The following PCDHGA12 variants were observed in gnomAD, a reference collection of about 807,000 sequenced individuals.
PCDHGA12 encodes protocadherin gamma subfamily A, 12.
In PCDHGA12, 43 loss-of-function variants were observed where a neutral mutation model predicts 61.1. The observed-to-expected ratio is 0.70, with a 90% confidence interval of 0.55 to 0.91. The LOEUF (loss-of-function observed/expected upper bound fraction) is 0.91. Among genes scored for constraint, PCDHGA12 ranks in the 40% least tolerant of loss-of-function variants. The pLI, the probability that PCDHGA12 is intolerant of heterozygous loss-of-function variation, is 0.00. For synonymous variants in PCDHGA12, 520 were observed against 542.9 expected (o/e 0.96, Z 0.59); for missense variants, 1,236 against 1,227.7 (o/e 1.01, Z -0.10).
In PCDHGA12 at chr5:141,487,120, T is replaced by C. The variant is rs1342042604; in HGVS notation, c.2425-7687T>C. 1.9e-6 allele frequency: 3 copies of C among 1,613,948 alleles called. No homozygotes were observed. Among genetic ancestry groups the C allele is most frequent in the Admixed American group, 1.7e-5 (1 of 60,028 alleles). ...AGAAGCTGGTCATTGTGGTAAAGGA[T>C]AGTGGTAGTCCACCACTCTCTACCT... On this transcript the variant is annotated intron_variant, in intron 1 of 3. Coordinates refer to ENST00000252085, the MANE Select transcript of PCDHGA12 (RefSeq NM_003735.3). The surrounding 1 kb of genome is among the most constrained non-coding windows in gnomAD (Gnocchi z 5.0).
At chr5:141,482,852 A>G (rs1237049208) in intron 1 of PCDHGA12, among the ~76,000 whole-genome samples, 1 of 144,420 alleles carries the variant, frequency 6.9e-6, no homozygotes, top group Non-Finnish European at 1.5e-5. Flanking sequence ...TGGGCAGATC[A>G]CTTGAGGTCA....
chr5:141,460,987 A>G (rs201722325), intron 1 of PCDHGA12, among the ~76,000 whole-genome samples: 34 of 92,988 alleles, frequency 3.7e-4, no homozygotes, highest in Middle Eastern at 5.0e-3. Flanking sequence ...GTGTGTGTAT[A>G]TATATATATG....
chr5:141,487,803 A>G lies in PCDHGA12; in HGVS notation c.2425-7004A>G. On this transcript the variant is annotated intron_variant, in intron 1 of 3. Transcript: ENST00000252085. The surrounding 1 kb of genome is among the most constrained non-coding windows in gnomAD (Gnocchi z 5.0). ...TTCGTGAATTAACCAGAGTTGTCAC[A>G]GTTTAGCATTGGGGGCGGGTCATGC... 2.0e-6 allele frequency: 3 copies of G among 1,466,166 alleles called. No individual in the cohort carries two copies. The highest frequency in any genetic ancestry group is 2.8e-6 in the Non-Finnish European group (3 of 1,084,448). The allele number at this position is 1,466,166 out of a possible 1,614,324, so 90.8% of individuals were successfully genotyped here. A position where few individuals can be genotyped will look rare whatever the true frequency, so the allele number is the denominator to read the frequency against.
In PCDHGA12 at chr5:141,430,637, G is replaced by A. The variant is rs2097298854; in HGVS notation, c.-123G>A. Reference sequence around the variant, plus strand: ...GATAGCTAGGAATGAACCATCCCTGGGAGTATGTGGAAACAACGGAGGAGC... The same window carrying A: ...GATAGCTAGGAATGAACCATCCCTGAGAGTATGTGGAAACAACGGAGGAGC... On this transcript the variant is annotated 5_prime_UTR_variant, in exon 1 of 4. It introduces an in-frame stop codon into an upstream open reading frame of the 5' UTR. Coordinates refer to ENST00000252085, the MANE Select transcript of PCDHGA12 (RefSeq NM_003735.3). 1.1e-6 allele frequency: 1 copy of A among 890,676 alleles called. No homozygotes were observed. The highest frequency in any genetic ancestry group is 2.8e-5 in the Admixed American group (1 of 36,020). 55.2% of individuals were successfully genotyped at this position (890,676 alleles called of 1,614,324 possible).
chr5:141,468,809 T>A (rs1473677700), intron 1 of PCDHGA12, among the ~76,000 whole-genome samples: 1 of 151,850 alleles, frequency 6.6e-6, no homozygotes, highest in Admixed American at 6.6e-5. Flanking sequence ...GAACTTGCAG[T>A]GAGCCAAGAT....
chr5:141,442,119 C>T (rs563017984), intron 1 of PCDHGA12: 1 of 166,262 alleles, frequency 6.0e-6, no homozygotes, highest in African/African-American at 2.4e-5. Context: ...CCCCTCGTCG[C>T]CGACAGCCTG....
In PCDHGA12 at chr5:141,430,991, A is replaced by G. The variant is rs2097333608; in HGVS notation, c.232A>G (p.Asn78Asp). 2.5e-6 allele frequency: 4 copies of G among 1,613,862 alleles called. No individual in the cohort carries two copies. In the East Asian group the frequency reaches 8.9e-5, roughly 36 times the overall value. ...PRGRTQLFAL[N>D]PRSGSLVTAG... ...AGGTAGGACGCAGCTTTTCGCCCTGAATCCGCGCAGCGGCAGCTTGGTCAC... is the reference window on the plus strand; with the variant it reads ...AGGTAGGACGCAGCTTTTCGCCCTGGATCCGCGCAGCGGCAGCTTGGTCAC... Residue 78 changes from asparagine (N) to aspartate (D), a missense_variant, in exon 1 of 4, where the codon AAT becomes GAT. By Grantham distance (23) the Asn-to-Asp change is conservative. Coordinates refer to ENST00000252085, the MANE Select transcript of PCDHGA12 (RefSeq NM_003735.3).
chr5:141,477,737 G>T lies in PCDHGA12; in HGVS notation c.2425-17070G>T, dbSNP rs1178108717. 1.2e-6 allele frequency: 2 copies of T among 1,613,846 alleles called. No homozygotes were observed. Among genetic ancestry groups the T allele is most frequent in the South Asian group, 1.1e-5 (1 of 91,088 alleles). ...ATTTGAATTAACAGCTCATATCAGC[G>T]ATGGGGGCACCCCGGTCCTAGCCAC... On this transcript the variant is annotated intron_variant, in intron 1 of 3. Coordinates refer to ENST00000252085, the MANE Select transcript of PCDHGA12 (RefSeq NM_003735.3). This position sits in a 1 kb window ranked among gnomAD's most constrained non-coding sequence, Gnocchi z 4.9.
At chr5:141,501,987 G>A (rs1462571527) in intron 2 of PCDHGA12, among the ~76,000 whole-genome samples, 2 of 152,016 alleles carry the variant, frequency 1.3e-5, no homozygotes, top group Non-Finnish European at 2.9e-5. Flanking sequence ...TGGTCCCGTT[G>A]TCTCCCTGAC....
In PCDHGA12 at chr5:141,494,849, A is replaced by C; in HGVS notation, c.2467A>C (p.Arg823=). ...NTDWRFSQAQ[R]PGTSGSQNGD... ...GGACTGGCGTTTCTCTCAGGCCCAG[A>C]GACCCGGCACCAGCGGGTAGGTGAC... Residue 823 remains arginine, a synonymous_variant, in exon 2 of 4, where the codon AGA becomes CGA. Transcript: ENST00000252085. 1 of 1,614,102 alleles carries C rather than the reference A, an allele frequency of 6.2e-7. No individual in the cohort carries two copies. Among genetic ancestry groups the C allele is most frequent in the Non-Finnish European group, 8.5e-7 (1 of 1,180,014 alleles).
chr5:141,474,710 A>T (rs535069070), intron 1 of PCDHGA12, among the ~76,000 whole-genome samples: 31 of 152,330 alleles, frequency 2.0e-4, no homozygotes, highest in African/African-American at 6.3e-4. Context: ...GTTCTATTAT[A>T]CTTCAAAAGG....
At position 141,489,559 on chromosome 5, in the gene PCDHGA12, C is replaced by A; in HGVS notation, c.2425-5248C>A. ...CAGCACCAGCTGCCTGCTGCCAGTG[C>A]AGGTGGTGACTGAACACCCCCTGGA... On this transcript the variant is annotated intron_variant, in intron 1 of 3. Coordinates refer to ENST00000252085, the MANE Select transcript of PCDHGA12 (RefSeq NM_003735.3). This position sits in a 1 kb window ranked among gnomAD's most constrained non-coding sequence, Gnocchi z 4.5. The A allele has an allele frequency of 6.2e-7, 1 of 1,614,078 alleles. No homozygotes were observed. The highest frequency in any genetic ancestry group is 8.5e-7 in the Non-Finnish European group (1 of 1,180,014).
intron 2 of PCDHGA12, among the ~76,000 whole-genome samples, chr5:141,501,159 C>G (rs1475164887): frequency 6.6e-6 from 1 of 152,096 alleles, no homozygotes; most frequent in East Asian, 1.9e-4. Context: ...GAGCCACCAT[C>G]CCCAGCCTCA....
rs188066304 is a variant in PCDHGA12, at chr5:141,450,907, C to T, written c.2424+17724C>T. On this transcript the variant is annotated intron_variant, in intron 1 of 3. Coordinates refer to ENST00000252085, the MANE Select transcript of PCDHGA12 (RefSeq NM_003735.3). ...TGGTGCGATATCGGCTCACTGCAAC[C>T]GCTGCCTCCCAGATTCAAGCAATTC... is the stretch of plus-strand genomic sequence containing the variant. 6.7e-3 allele frequency among the ~76,000 whole-genome samples: 1,004 copies of T among 150,024 alleles called. 12 individuals carry two copies. The highest frequency in any genetic ancestry group is 0.024 in the African/African-American group (970 of 40,702).
chr5:141,473,988 G>A (rs1006988447), intron 1 of PCDHGA12, among the ~76,000 whole-genome samples: 1 of 152,118 alleles, frequency 6.6e-6, no homozygotes, highest in African/African-American at 2.4e-5. Flanking sequence ...AGGATCCCTT[G>A]AGCCCAAGGA....
In PCDHGA12 at chr5:141,430,984, C is replaced by A. The variant is rs765063685; in HGVS notation, c.225C>A (p.Phe75Leu). The change falls in exon 1 of 4, where the codon TTC becomes TTA. Residue 75 changes from phenylalanine to leucine, a missense_variant. Transcript: ENST00000252085. ...TCCCCAGAGGTAGGACGCAGCTTTT[C>A]GCCCTGAATCCGCGCAGCGGCAGCT... ...RIIPRGRTQL[F>L]ALNPRSGSLV... 1 of 1,613,648 alleles carries A rather than the reference C, an allele frequency of 6.2e-7. No individual in the cohort carries two copies. Among genetic ancestry groups the A allele is most frequent in the South Asian group, 1.1e-5 (1 of 91,018 alleles).
chr5:141,490,549 C>T lies in PCDHGA12; in HGVS notation c.2425-4258C>T, dbSNP rs2099701539. ...TGCTGGTTCACCTTCCCTACACAAA[C>T]ATCTCACCATCAGGCTCAACATTTC... On this transcript the variant is annotated intron_variant, in intron 1 of 3. Transcript: ENST00000252085. The surrounding 1 kb of genome is among the most constrained non-coding windows in gnomAD (Gnocchi z 5.4). The T allele has an allele frequency of 1.9e-6, 3 of 1,614,178 alleles. No homozygotes were observed. The highest frequency in any genetic ancestry group is 1.7e-6 in the Non-Finnish European group (2 of 1,180,024).
intron 1 of PCDHGA12, among the ~76,000 whole-genome samples, chr5:141,463,736 G>A (rs757788192): frequency 1.3e-5 from 2 of 151,992 alleles, no homozygotes; most frequent in East Asian, 3.9e-4. Flanking sequence ...ATGAGCCACC[G>A]CGCCCGGCCT....
chr5:141,510,798 A>G, intron 3 of PCDHGA12, 149 bp from the exon 4 acceptor site: 1 of 1,474,326 alleles, frequency 6.8e-7, no homozygotes, highest in South Asian at 1.3e-5. Context: ...GTGAAGAGAG[A>G]CTACCTTGGT....
Sources: gnomAD v4.1 joint callset for allele counts (sites outside exome capture counted in the v4.1 genomes callset) on GRCh38, gnomAD v4.1.1 for gene constraint, Gnocchi (gnomAD v3.1) non-coding constraint, MANE v1.5 for transcripts, NCBI Gene and HGNC (gene_info 2026-07-23, HGNC 2026-07-21) for gene names.